The following NCKAP5 variants were observed in gnomAD, a reference collection of about 807,000 sequenced individuals.
NCKAP5 encodes nck-associated protein 5.
Under a neutral mutation model 167.0 loss-of-function variants are expected in NCKAP5, and 92 were observed. The observed-to-expected ratio is 0.55, with a 90% CI of 0.47 to 0.66. NCKAP5 has a LOEUF of 0.66. NCKAP5 is among the 30% of genes least tolerant of loss of function. The probability of loss-of-function intolerance (pLI) is 0.00; values close to 1 mark genes in which losing one functional copy is unlikely to be tolerated. For missense variants in NCKAP5, 2,378 were observed against 2,315.0 expected, an observed-to-expected ratio of 1.03 and a Z score of -0.56; for synonymous variants, 891 against 877.4, an observed-to-expected ratio of 1.02 and a Z score of -0.27.
In NCKAP5 at chr2:133,319,154, C is replaced by G. The variant is rs969660632; in HGVS notation, c.70-16044G>C. Among the ~76,000 whole-genome samples, 6 of 149,690 alleles carry G rather than the reference C, an allele frequency of 4.0e-5. No homozygotes were observed. In the East Asian group the frequency reaches 6.0e-4, roughly 15 times the overall value. On this transcript the variant is annotated intron_variant, in intron 3 of 19. Transcript: ENST00000409261. ...CAGGTGTGTGAGCCACCCCTCCCCC[C>G]CCGCCCCCTTCCACCCCCTGCATTT...
chr2:133,421,486 TGAG>T (rs1335268704), intron 3 of NCKAP5, among the ~76,000 whole-genome samples: 3 of 152,068 alleles, frequency 2.0e-5, no homozygotes, highest in Admixed American at 6.6e-5. Context: ...ATGGATAAGG[TGAG>T]GAGAAGGGAG....
At chr2:133,072,248 G>T (rs2080439240) in intron 6 of NCKAP5, among the ~76,000 whole-genome samples, 1 of 152,034 alleles carries the variant, frequency 6.6e-6, no homozygotes, top group East Asian at 1.9e-4. Flanking sequence ...ATCACACCCA[G>T]CTAATTATTG....
chr2:133,582,591 C>T, the NCKAP5 span, among the ~76,000 whole-genome samples: 27,802 of 152,108 alleles, frequency 0.18, 2,632 homozygotes, highest in East Asian at 0.3. Flanking sequence ...ATGGGCAGTT[C>T]GGCAGACATC....
At chr2:133,230,694 GT>G (rs1374178167) in intron 4 of NCKAP5, among the ~76,000 whole-genome samples, 2 of 152,106 alleles carry the variant, frequency 1.3e-5, no homozygotes, top group African/African-American at 2.4e-5. Context: ...AAGTTTGGTT[GT>G]TTACTTAGAC....
At chr2:133,289,393 A>G (rs1679397120) in intron 4 of NCKAP5, among the ~76,000 whole-genome samples, 1 of 130,712 alleles carries the variant, frequency 7.7e-6, no homozygotes, top group Non-Finnish European at 1.6e-5. Flanking sequence ...AGCCCGGGTC[A>G]TTGTTATTTG....
At chr2:133,511,850 G>C (rs1452726902) in intron 3 of NCKAP5, among the ~76,000 whole-genome samples, 1 of 152,224 alleles carries the variant, frequency 6.6e-6, no homozygotes, top group Non-Finnish European at 1.5e-5. Flanking sequence ...CAAAGATCAG[G>C]CTTCCCAGAG....
chr2:133,244,617 T>TA (rs200432799), intron 4 of NCKAP5, among the ~76,000 whole-genome samples: 3,893 of 152,014 alleles, frequency 0.026, 152 homozygotes, highest in African/African-American at 0.084. Flanking sequence ...AAATATATAT[T>TA]TAAAAAAACA....
the NCKAP5 span, among the ~76,000 whole-genome samples, chr2:133,593,370 A>G: frequency 6.6e-6 from 1 of 151,984 alleles, no homozygotes; most frequent in Non-Finnish European, 1.5e-5. Flanking sequence ...TTCTGACAAA[A>G]TTAAAAAAAA....
At chr2:133,154,143 G>T (rs2083485710) in intron 5 of NCKAP5, among the ~76,000 whole-genome samples, 1 of 152,108 alleles carries the variant, frequency 6.6e-6, no homozygotes, top group Admixed American at 6.5e-5. Flanking sequence ...CTCCCGGCCA[G>T]TTCCTCCTTC....
At chr2:133,606,594 G>A in the NCKAP5 span, among the ~76,000 whole-genome samples, 1 of 152,126 alleles carries the variant, frequency 6.6e-6, no homozygotes, top group South Asian at 2.1e-4. Flanking sequence ...ACTCTAGGAT[G>A]TATCAGAATT....
rs77044234 is a variant in NCKAP5, at chr2:132,679,454, G to A, written c.5714-6149C>T. Among the ~76,000 whole-genome samples, 969 of 152,264 alleles carry A rather than the reference G, an allele frequency of 6.4e-3. 13 individuals are homozygous for A. Among genetic ancestry groups the A allele is most frequent in the African/African-American group, 0.022 (934 of 41,564 alleles). ...TCTCAAACAAAAGAATGTTTGAGAA[G>A]AAGGTGTCCAAGGTGTCCCCTACTA... On this transcript the variant is annotated intron_variant, in intron 19 of 19. Transcript: ENST00000409261.
intron 5 of NCKAP5, among the ~76,000 whole-genome samples, chr2:133,140,684 A>T (rs2082964083): frequency 6.6e-6 from 1 of 151,580 alleles, no homozygotes; most frequent in Non-Finnish European, 1.5e-5. Context: ...AGAATATATA[A>T]TGCCACAGTC....
At chr2:133,656,392 C>T in the NCKAP5 span, among the ~76,000 whole-genome samples, 1 of 152,302 alleles carries the variant, frequency 6.6e-6, no homozygotes, top group Admixed American at 6.5e-5. Context: ...GCCTGACACT[C>T]GCTAAGTGCT....
intron 3 of NCKAP5, among the ~76,000 whole-genome samples, chr2:133,462,543 CTTTTA>C (rs1559501417): frequency 6.6e-6 from 1 of 152,080 alleles, no homozygotes; most frequent in Non-Finnish European, 1.5e-5. Flanking sequence ...TCCAAATATA[CTTTTA>C]TAAGACAATC....
chr2:133,170,940 A>G (rs2084223361), intron 5 of NCKAP5, among the ~76,000 whole-genome samples: 1 of 152,080 alleles, frequency 6.6e-6, no homozygotes, highest in African/African-American at 2.4e-5. Context: ...TCAGGTGACA[A>G]GCTTGCTAAG....
chr2:132,749,255 G>A lies in NCKAP5; in HGVS notation c.5129-17204C>T, dbSNP rs151026980. Among the ~76,000 whole-genome samples, 62 of 152,154 alleles carry A rather than the reference G, an allele frequency of 4.1e-4. 1 individual carries two copies. Among genetic ancestry groups the A allele is most frequent in the African/African-American group, 1.2e-3 (50 of 41,500 alleles). On this transcript the variant is annotated intron_variant, in intron 16 of 19. Transcript: ENST00000409261. ...CTTGCTCTGTTGCCCAGGCTGGAGTGTAGTGGTACTGTATCTCCACTCACT... is the reference window on the plus strand; with the variant it reads ...CTTGCTCTGTTGCCCAGGCTGGAGTATAGTGGTACTGTATCTCCACTCACT...
At chr2:132,690,352 C>T (rs1686559891) in intron 19 of NCKAP5, among the ~76,000 whole-genome samples, 1 of 152,186 alleles carries the variant, frequency 6.6e-6, no homozygotes, top group Non-Finnish European at 1.5e-5. Context: ...GGATAGATTC[C>T]AGCCACCTGC....
chr2:133,478,847 C>A (rs1295039045), intron 3 of NCKAP5, among the ~76,000 whole-genome samples: 1 of 151,828 alleles, frequency 6.6e-6, no homozygotes, highest in Non-Finnish European at 1.5e-5. Context: ...CTAAAGCATG[C>A]TGGGGACAGT....
the NCKAP5 span, among the ~76,000 whole-genome samples, chr2:133,604,699 T>C: frequency 5.9e-5 from 9 of 152,164 alleles, no homozygotes; most frequent in Admixed American, 5.9e-4. Flanking sequence ...CTCAGTTTTC[T>C]CTCTCTGCAA....
Sources: gnomAD v4.1 joint callset for allele counts (sites outside exome capture counted in the v4.1 genomes callset) on GRCh38, gnomAD v4.1.1 for gene constraint, MANE v1.5 for transcripts, NCBI Gene and HGNC (gene_info 2026-07-23, HGNC 2026-07-21) for gene names.